The following LCA5L variants were observed in gnomAD, a reference collection of about 807,000 sequenced individuals.
LCA5L encodes lebercilin LCA5 like.
A neutral mutation model predicts 45.4 loss-of-function variants in LCA5L; 35 were observed. That is an observed-to-expected ratio of 0.77 (90% CI 0.59 to 1.02). LCA5L has a LOEUF of 1.02. Among genes scored for constraint, LCA5L ranks in the 50% least tolerant of loss-of-function variants. LCA5L has a pLI of 0.00. For missense variants in LCA5L, 668 were observed against 761.6 expected (o/e 0.88, Z 1.45); for synonymous variants, 233 against 264.7 (o/e 0.88, Z 1.16).
intron 7 of LCA5L, among the ~76,000 whole-genome samples, chr21:39,413,633 A>ATC (rs1222267637): frequency 6.6e-6 from 1 of 152,214 alleles, no homozygotes; most frequent in Non-Finnish European, 1.5e-5. Flanking sequence ...TTAACAGTTC[A>ATC]TCTCTCTTTT....
intron 3 of LCA5L, among the ~76,000 whole-genome samples, chr21:39,430,942 C>T (rs1478790443): frequency 6.6e-6 from 1 of 152,106 alleles, no homozygotes; most frequent in Non-Finnish European, 1.5e-5. Flanking sequence ...CTAAAGTGAA[C>T]TTCAATTGTC....
At chr21:39,430,059 A>C (rs1461705939) in intron 3 of LCA5L, among the ~76,000 whole-genome samples, 1 of 151,982 alleles carries the variant, frequency 6.6e-6, no homozygotes, top group Non-Finnish European at 1.5e-5. Flanking sequence ...CAAAAAGAAG[A>C]ATCCCAGATG....
intron 1 of LCA5L, among the ~76,000 whole-genome samples, chr21:39,445,278 G>C (rs886894829): frequency 6.6e-6 from 1 of 152,062 alleles, no homozygotes; most frequent in African/African-American, 2.4e-5. Flanking sequence ...CAGCGCTAAG[G>C]TTAGAAAGAA....
rs1569083173 is a variant in LCA5L at position 39,417,179 on chromosome 21, CG to C, written c.975+3526del. 3.2e-4 allele frequency among the ~76,000 whole-genome samples: 49 copies of C among 152,114 alleles called. 1 individual carries two copies. Among genetic ancestry groups the C allele is most frequent in the Admixed American group, 2.6e-3 (40 of 15,270 alleles). On this transcript the variant is annotated intron_variant, in intron 7 of 10. Transcript: ENST00000288350. ...TCCTGAGTAGCTGGGATTACAGGCG[CG>C]CACCACCACACCTGGCTAATTTTTT...
chr21:39,425,345 T>G (rs1204166059), intron 5 of LCA5L, among the ~76,000 whole-genome samples: 1 of 152,236 alleles, frequency 6.6e-6, no homozygotes, highest in East Asian at 1.9e-4. Flanking sequence ...AAGCATGCTT[T>G]CTGGGGATAA....
intron 7 of LCA5L, among the ~76,000 whole-genome samples, chr21:39,412,519 A>C (rs2040267264): frequency 6.6e-6 from 1 of 152,156 alleles, no homozygotes; most frequent in Admixed American, 6.5e-5. Flanking sequence ...TTTTAGTAAC[A>C]ACCATGGTTA....
intron 7 of LCA5L, among the ~76,000 whole-genome samples, chr21:39,412,406 T>C (rs1250045842): frequency 6.6e-6 from 1 of 152,212 alleles, no homozygotes; most frequent in African/African-American, 2.4e-5. Context: ...TTTGAAACCT[T>C]AACTTGTTGA....
intron 2 of LCA5L, among the ~76,000 whole-genome samples, chr21:39,437,070 C>T (rs754126749): frequency 9.2e-5 from 14 of 152,078 alleles, no homozygotes; most frequent in Admixed American, 2.6e-4. Flanking sequence ...ATTAAGTGTC[C>T]AATAAATATT....
chr21:39,442,296 G>A (rs934755567), intron 2 of LCA5L, among the ~76,000 whole-genome samples: 2 of 152,170 alleles, frequency 1.3e-5, no homozygotes, highest in Non-Finnish European at 2.9e-5. Flanking sequence ...AAGGGCCAGC[G>A]GTTTCAGATG....
intron 7 of LCA5L, among the ~76,000 whole-genome samples, chr21:39,417,457 C>T (rs2041417440): frequency 6.6e-6 from 1 of 152,232 alleles, no homozygotes; most frequent in South Asian, 2.1e-4. Context: ...TCTATTCTCT[C>T]TTTTTCTGCT....
chr21:39,423,371 G>A lies in LCA5L; in HGVS notation c.442C>T (p.Leu148Phe). 1 of 1,612,208 alleles carries A rather than the reference G, an allele frequency of 6.2e-7. No homozygotes were observed. The highest frequency in any genetic ancestry group is 8.5e-7 in the Non-Finnish European group (1 of 1,179,828). The change falls in exon 6 of 11, where the codon CTT becomes TTT. Residue 148 changes from leucine (L) to phenylalanine (F), a missense_variant. Coordinates refer to ENST00000288350, the MANE Select transcript of LCA5L (RefSeq NM_152505.4). The part of the protein sequence containing the change: ...AMAHRILSAR[L>F]HKIKGLKNEL... The stretch of plus-strand genomic sequence containing the variant: ...TTTTTTAGTCCTTTAATTTTATGAA[G>A]CCTTGCTGAGAGTATTCGATGAGCC...
chr21:39,418,250 A>G (rs924382166), intron 7 of LCA5L, among the ~76,000 whole-genome samples: 2 of 152,180 alleles, frequency 1.3e-5, no homozygotes, highest in African/African-American at 4.8e-5. Flanking sequence ...AAACCATATC[A>G]AGGATATTAC....
chr21:39,419,457 C>T (rs915449561), intron 7 of LCA5L, among the ~76,000 whole-genome samples: 8 of 144,972 alleles, frequency 5.5e-5, no homozygotes, highest in African/African-American at 1.3e-4. Context: ...CCCAGGAGTT[C>T]GAGGCTGCAG....
chr21:39,437,231 A>G (rs1346182504), intron 2 of LCA5L, among the ~76,000 whole-genome samples: 1 of 152,228 alleles, frequency 6.6e-6, no homozygotes, highest in Non-Finnish European at 1.5e-5. Context: ...TCTCAAACAA[A>G]AAAACAGCTT....
chr21:39,423,227 G>C lies in LCA5L; in HGVS notation c.586C>G (p.Leu196Val). ...IGKYENSQNNLPQIMAKHQNE... is the reference protein window; with the variant it reads ...IGKYENSQNNVPQIMAKHQNE... ...TGATGTTTAGCCATAATTTGAGGTA[G>C]ATTATTTTGTGAATTCTCATATTTT... is the stretch of plus-strand genomic sequence containing the variant. Residue 196 changes from leucine to valine, a missense_variant, in exon 6 of 11, where the codon CTA becomes GTA. Coordinates refer to ENST00000288350, the MANE Select transcript of LCA5L (RefSeq NM_152505.4). 1.2e-6 allele frequency: 2 copies of C among 1,611,000 alleles called. No homozygotes were observed. Among genetic ancestry groups the C allele is most frequent in the East Asian group, 2.2e-5 (1 of 44,856 alleles).
chr21:39,412,596 A>G (rs1304699701), intron 7 of LCA5L, among the ~76,000 whole-genome samples: 1 of 150,510 alleles, frequency 6.6e-6, no homozygotes, highest in African/African-American at 2.5e-5. Flanking sequence ...ACAGACGTGC[A>G]TGTGCACACA....
intron 3 of LCA5L, among the ~76,000 whole-genome samples, chr21:39,431,198 G>C (rs560974335): frequency 4.6e-5 from 7 of 152,302 alleles, no homozygotes; most frequent in Middle Eastern, 6.8e-3. Context: ...TCTCCACGTG[G>C]ATGTGCAAGT....
At chr21:39,437,554 G>A (rs2076404176) in intron 2 of LCA5L, among the ~76,000 whole-genome samples, 7 of 152,032 alleles carry the variant, frequency 4.6e-5, no homozygotes, top group Admixed American at 4.6e-4. Flanking sequence ...CAACCTCCTG[G>A]GTTCAGGTGA....
chr21:39,441,561 T>C (rs2076863611), intron 2 of LCA5L, among the ~76,000 whole-genome samples: 1 of 152,222 alleles, frequency 6.6e-6, no homozygotes, highest in Admixed American at 6.5e-5. Flanking sequence ...AAAGTTTGGA[T>C]GGTTACAGAC....
Sources: allele counts gnomAD v4.1 joint callset (sites outside exome capture counted in the v4.1 genomes callset), GRCh38; gene constraint gnomAD v4.1.1; transcripts MANE v1.5; gene names NCBI Gene and HGNC (gene_info 2026-07-23, HGNC 2026-07-21).